RASSF8: variants seen among roughly 807,000 people sequenced by gnomAD.
The protein encoded by RASSF8 is Ras association domain family member 8.
A neutral mutation model predicts 48.5 loss-of-function variants in RASSF8; 22 were observed. The observed-to-expected ratio is 0.45, with a 90% CI of 0.32 to 0.65. The LOEUF (loss-of-function observed/expected upper bound fraction) is 0.65, where lower values mean the gene tolerates loss of function less well. RASSF8 is among the 30% of genes least tolerant of loss of function. The probability of loss-of-function intolerance (pLI) is 0.03; values close to 1 mark genes in which losing one functional copy is unlikely to be tolerated. For missense variants in RASSF8, 418 were observed against 489.2 expected (o/e 0.85, Z 1.37); for synonymous variants, 127 against 171.5 (o/e 0.74, Z 2.03).
chr12:26,060,990 A>T (rs1943730184), intron 3 of RASSF8, among the ~76,000 whole-genome samples: 1 of 152,176 alleles, frequency 6.6e-6, no homozygotes, highest in Admixed American at 6.5e-5. Flanking sequence ...ATCAAATGTC[A>T]GTTAAAATGA....
intron 2 of RASSF8, among the ~76,000 whole-genome samples, chr12:26,005,164 G>GTTGT: frequency 6.7e-6 from 1 of 149,990 alleles, no homozygotes; most frequent in South Asian, 2.1e-4. Context: ...TTACGGATGG[G>GTTGT]GTGTGTGTGT....
chr12:26,032,096 A>G (rs1943042633), intron 2 of RASSF8, among the ~76,000 whole-genome samples: 1 of 152,182 alleles, frequency 6.6e-6, no homozygotes, highest in African/African-American at 2.4e-5. Flanking sequence ...TGGAAAATTT[A>G]CCAATCAGGG....
At chr12:26,009,775 C>A (rs73077179) in intron 2 of RASSF8, among the ~76,000 whole-genome samples, 18,795 of 152,042 alleles carry the variant, frequency 0.12, 1,549 homozygotes, top group Admixed American at 0.19. Flanking sequence ...TGATTGGTGA[C>A]CTCGATAAGA....
chr12:26,058,361 C>A (rs1157360722), intron 3 of RASSF8, among the ~76,000 whole-genome samples: 3 of 152,224 alleles, frequency 2.0e-5, no homozygotes, highest in Non-Finnish European at 4.4e-5. Flanking sequence ...AACCCCAGAA[C>A]TTCCAAGGCC....
At chr12:26,052,655 G>C (rs1943516475) in intron 2 of RASSF8, 1 of 152,194 alleles carries the variant, frequency 6.6e-6, no homozygotes, top group Non-Finnish European at 1.5e-5. Flanking sequence ...GCATAGAACT[G>C]TTGGAGTTGA....
In RASSF8 at chr12:26,067,669, C is replaced by T. The variant is rs140885233; in HGVS notation, c.1094C>T (p.Ala365Val). 224 of 1,614,016 alleles carry T rather than the reference C, an allele frequency of 1.4e-4. No individual in the cohort carries two copies. The highest frequency in any genetic ancestry group is 1.8e-4 in the Non-Finnish European group (210 of 1,180,010). Residue 365 changes from alanine to valine, a missense_variant, in exon 5 of 6, where the codon GCG (alanine) becomes GTG (valine). Physicochemically the swap from Ala to Val is moderately conservative, Grantham distance 64 (BLOSUM62 0). Transcript: ENST00000689635. ...GGGACAAAAGTTACCGTTTTGCCAG[C>T]GGAGCCCATTGAAATAGAGGCCTCA... is the stretch of plus-strand genomic sequence containing the variant. ...QTGTKVTVLP[A>V]EPIEIEASHA...
intron 2 of RASSF8, among the ~76,000 whole-genome samples, chr12:26,008,313 A>G (rs1450916316): frequency 1.3e-5 from 2 of 152,208 alleles, no homozygotes; most frequent in Non-Finnish European, 2.9e-5. Flanking sequence ...TAGATAGATA[A>G]TATTAGAAGC....
chr12:25,974,761 G>T (rs1941566105), intron 1 of RASSF8, among the ~76,000 whole-genome samples: 1 of 152,126 alleles, frequency 6.6e-6, no homozygotes, highest in South Asian at 2.1e-4. Flanking sequence ...TGTTGGGGCT[G>T]CACTCTGAGT....
rs34419551 is a variant in RASSF8, at chr12:26,005,164, GGTGTGT to G, written c.-109+10053_-109+10058del. 7.3e-5 allele frequency among the ~76,000 whole-genome samples: 11 copies of G among 149,990 alleles called. No homozygotes were observed. The South Asian group carries it at 1.1e-3, about 14-fold the overall frequency. On this transcript the variant is annotated intron_variant, in intron 2 of 5. Coordinates refer to ENST00000689635, the MANE Select transcript of RASSF8 (RefSeq NM_001394098.1). ...TGTCTTTTTAAATTTTTACGGATGG[GGTGTGT>G]GTGTGTGTGTGTGTGTGTTTTACAC...
chr12:26,067,760 T>C (rs1449786549), intron 5 of RASSF8, 47 bp downstream of exon 5: 1 of 1,606,444 alleles, frequency 6.2e-7, no homozygotes, highest in Admixed American at 1.7e-5. Flanking sequence ...TTCTCACTGC[T>C]TAACTTTTTT....
intron 2 of RASSF8, among the ~76,000 whole-genome samples, chr12:26,000,954 T>G (rs551595266): frequency 2.0e-5 from 3 of 151,540 alleles, no homozygotes; most frequent in Admixed American, 6.6e-5. Context: ...CACTGTGTAC[T>G]TAAGCTGCAC....
At chr12:26,075,956 A>G (rs1039263898), downstream of RASSF8, among the ~76,000 whole-genome samples, 1 of 152,282 alleles carries the variant, frequency 6.6e-6, no homozygotes, top group East Asian at 1.9e-4. Flanking sequence ...GCCAGCCTAC[A>G]TCTGAATCCT....
Position 25,990,371 on chromosome 12 carries a change from G to A in RASSF8, c.-202-4666G>A, listed in dbSNP as rs541605963. On this transcript the variant is annotated intron_variant, in intron 1 of 5. Coordinates refer to ENST00000689635, the MANE Select transcript of RASSF8 (RefSeq NM_001394098.1). ...ACTAGGCATTAGTTACATTTCACAA[G>A]TACTGTAGTTAGTGGAATGAAACCC... Among the ~76,000 whole-genome samples the A allele has an allele frequency of 1.7e-3, 259 of 152,282 alleles. 2 individuals are homozygous for A. Among genetic ancestry groups the A allele is most frequent in the Non-Finnish European group, 6.8e-4 (46 of 68,018 alleles).
intron 3 of RASSF8, among the ~76,000 whole-genome samples, chr12:26,059,234 T>C (rs1943685993): frequency 6.6e-6 from 1 of 151,940 alleles, no homozygotes; most frequent in South Asian, 2.1e-4. Flanking sequence ...TAACAAAAGA[T>C]GAGAGAGGAA....
chr12:25,958,631 G>GCC (rs1941137897), upstream of RASSF8: 1 of 145,214 alleles, frequency 6.9e-6, no homozygotes, highest in Admixed American at 6.8e-5. Context: ...GAGCCGCCTG[G>GCC]CCGCCCGGCC....
At chr12:26,005,103 G>T (rs1448314530) in intron 2 of RASSF8, among the ~76,000 whole-genome samples, 3 of 151,984 alleles carry the variant, frequency 2.0e-5, no homozygotes, top group African/African-American at 7.3e-5. Flanking sequence ...GGGTTTCTCT[G>T]CAGAAAAAGA....
rs1311430409 is a variant in RASSF8 at position 25,975,936 on chromosome 12, G to T, written c.-203+16788G>T. Among the ~76,000 whole-genome samples the T allele has an allele frequency of 2.0e-5, 3 of 152,182 alleles. No homozygotes were observed. The East Asian group carries it at 5.8e-4, about 29-fold the overall frequency. On this transcript the variant is annotated intron_variant, in intron 1 of 5. Transcript: ENST00000689635. Reference sequence around the variant, plus strand: ...CCTTTGGGAAGCAGCACAGTGTCTAGACTCAGTCAGCTTGGGATGAGACTA... The same window carrying T: ...CCTTTGGGAAGCAGCACAGTGTCTATACTCAGTCAGCTTGGGATGAGACTA...
At chr12:25,963,972 AC>A (rs1368129592) in intron 1 of RASSF8, among the ~76,000 whole-genome samples, 11 of 152,178 alleles carry the variant, frequency 7.2e-5, no homozygotes, top group Non-Finnish European at 1.6e-4. Flanking sequence ...TGCAAGCCAG[AC>A]CCTTACCCTG....
chr12:26,059,009 A>T (rs1011051751), intron 3 of RASSF8, among the ~76,000 whole-genome samples: 2 of 152,208 alleles, frequency 1.3e-5, no homozygotes, highest in African/African-American at 4.8e-5. Flanking sequence ...TAAATGTTCT[A>T]CTTTGTTTCC....
Sources: gnomAD v4.1 joint callset for allele counts (sites outside exome capture counted in the v4.1 genomes callset) on GRCh38, gnomAD v4.1.1 for gene constraint, MANE v1.5 for transcripts, NCBI Gene and HGNC (gene_info 2026-07-23, HGNC 2026-07-21) for gene names.